Variants in SEC31A observed in about 807,000 individuals in gnomAD.
The protein encoded by SEC31A is protein transport protein Sec31A.
A neutral mutation model predicts 151.0 loss-of-function variants in SEC31A; 70 were observed. The observed-to-expected ratio is 0.46, with a 90% CI of 0.38 to 0.57. The LOEUF (loss-of-function observed/expected upper bound fraction) is 0.57, where lower values mean the gene tolerates loss of function less well. SEC31A is among the 20% of genes least tolerant of loss of function. SEC31A has a pLI of 0.00. For synonymous variants in SEC31A, 475 were observed against 505.9 expected, an observed-to-expected ratio of 0.94 and a Z score of 0.82; for missense variants, 1,330 against 1,471.2, an observed-to-expected ratio of 0.90 and a Z score of 1.57.
At position 82,857,005 on chromosome 4, in the gene SEC31A, A is replaced by C; in HGVS notation, c.1828T>G (p.Leu610Val). The C allele has an allele frequency of 6.2e-7, 1 of 1,613,468 alleles. No homozygotes were observed. The highest frequency in any genetic ancestry group is 8.5e-7 in the Non-Finnish European group (1 of 1,179,774). The change falls in exon 16 of 27, where the codon TTG (leucine) becomes GTG (valine). Residue 610 changes from leucine to valine, a missense_variant. Leu to Val is a conservative substitution (Grantham distance 32, BLOSUM62 1). Transcript: ENST00000395310. ...ILAIAGGQEL[L>V]ARTQKKYFAK... ...AAGTATTTTTTCTGGGTTCGAGCCA[A>C]GAGTTCTTGTCCACCTGCTATGGCC...
intron 6 of SEC31A, 100 bp from the exon 7 acceptor site, chr4:82,872,186 C>T: frequency 1.1e-6 from 1 of 889,812 alleles, no homozygotes. Context: ...TAGTGAAAAA[C>T]ATCAGCTGTG....
intron 2 of SEC31A, chr4:82,899,863 A>G (rs372852448): frequency 9.8e-5 from 15 of 152,642 alleles, no homozygotes; most frequent in African/African-American, 3.6e-4. Context: ...TCTGTATGCT[A>G]AGGATCTCCT....
rs138143090 is a variant in SEC31A at position 82,855,021 on chromosome 4, A to G, written c.1890T>C (p.Thr630=). 6.7e-3 allele frequency: 10,731 copies of G among 1,599,392 alleles called. 58 individuals are homozygous for G. The highest frequency in any genetic ancestry group is 8.9e-3 in the Admixed American group (493 of 55,298). ...KSQSKITRLI[T]AVVMKNWKEI... is the part of the protein sequence containing the mutation. ...CTTTCCAGTTCTTCATCACCACTGC[A>G]GTGATGAGCTTGAGAAACGAAAACA... Residue 630 remains threonine, a synonymous_variant, in exon 17 of 27, where the codon ACT becomes ACC. Transcript: ENST00000395310.
Position 82,848,958 on chromosome 4 carries a change from C to A in SEC31A, c.2348G>T (p.Arg783Leu). 1 of 1,613,128 alleles carries A rather than the reference C, an allele frequency of 6.2e-7. No individual in the cohort carries two copies. The highest frequency in any genetic ancestry group is 8.5e-7 in the Non-Finnish European group (1 of 1,179,636). Residue 783 changes from arginine to leucine, a missense_variant, in exon 20 of 27, where the codon CGT (arginine) becomes CTT (leucine). Arg to Leu is a moderately radical substitution (Grantham distance 102). Transcript: ENST00000395310. ...NTNQPNIMQL[R>L]DRLCRAQGEP... ...TCCTTGTGCTCTACAAAGTCTGTCA[C>A]GAAGCTGCATGATATTTGGCTAAAA...
chr4:82,858,062 G>A (rs1347899043), intron 14 of SEC31A: 2 of 226,318 alleles, frequency 8.8e-6, no homozygotes, highest in East Asian at 1.3e-4. Context: ...CAGATCACTC[G>A]AGGTCAGAAG....
rs375945567 is a variant in SEC31A at position 82,844,482 on chromosome 4, T to C, written c.2530A>G (p.Ile844Val). The C allele has an allele frequency of 6.8e-6, 11 of 1,613,760 alleles. No individual in the cohort carries two copies. In the African/African-American group the frequency reaches 1.2e-4, roughly 18 times the overall value. Residue 844 changes from isoleucine to valine, a missense_variant, in exon 21 of 27, where the codon ATA (isoleucine) becomes GTA (valine). By Grantham distance (29) the Ile-to-Val change is conservative. Transcript: ENST00000395310. ...HGENPPPPGF[I>V]MHGNVNPNAA... The stretch of plus-strand genomic sequence containing the variant: ...TTTGGATTAACATTTCCATGCATTA[T>C]GAAACCCGGAGGTGGAGGATTTTCT...
intron 25 of SEC31A, 198 bp from the exon 26 acceptor site, chr4:82,821,306 T>C: frequency 2.0e-6 from 1 of 505,408 alleles, no homozygotes; most frequent in Non-Finnish European, 3.5e-6. Context: ...CCCAGCACTT[T>C]GGGAGACCAA....
At chr4:82,834,055 T>G (rs1055844190) in intron 22 of SEC31A, among the ~76,000 whole-genome samples, 32 of 152,222 alleles carry the variant, frequency 2.1e-4, no homozygotes, top group Admixed American at 2.1e-3. Flanking sequence ...TAATTGACTG[T>G]AAGTGATTTT....
Position 82,864,342 on chromosome 4 carries a change from G to C in SEC31A, c.1434+20C>G. 6.6e-7 allele frequency: 1 copy of C among 1,511,732 alleles called. No individual in the cohort carries two copies. Among genetic ancestry groups the C allele is most frequent in the South Asian group, 1.1e-5 (1 of 88,836 alleles). The allele number at this position is 1,511,732 out of a possible 1,614,324, so 93.6% of individuals were successfully genotyped here. On this transcript the variant is annotated intron_variant, in intron 11 of 26. Transcript: ENST00000395310. ...AATTTGCAGATAATGAAATAATATA[G>C]CTTTAAACAGCAACTTTACCTTCAA...
chr4:82,882,263 C>T (rs889776090), intron 1 of SEC31A, among the ~76,000 whole-genome samples: 36 of 151,888 alleles, frequency 2.4e-4, no homozygotes, highest in Non-Finnish European at 3.1e-4. Context: ...ATTAGCCGGG[C>T]GTGGTGGCGG....
intron 11 of SEC31A, among the ~76,000 whole-genome samples, 179 bp from the exon 12 acceptor site, chr4:82,863,571 C>T (rs1290631578): frequency 6.6e-6 from 1 of 151,928 alleles, no homozygotes; most frequent in African/African-American, 2.4e-5. Flanking sequence ...TTTGGAGACC[C>T]AGCCTCAGGA....
chr4:82,891,913 A>T (rs1385561131), upstream of SEC31A, among the ~76,000 whole-genome samples: 1 of 152,224 alleles, frequency 6.6e-6, no homozygotes, highest in Non-Finnish European at 1.5e-5. Context: ...TCACTTGCTA[A>T]ATTACCAGAA....
intron 22 of SEC31A, among the ~76,000 whole-genome samples, chr4:82,832,207 G>A (rs1370372634): frequency 6.6e-6 from 1 of 152,164 alleles, no homozygotes; most frequent in Non-Finnish European, 1.5e-5. Context: ...TACCAAAACA[G>A]ATATACAGAC....
In SEC31A at chr4:82,828,991, T is replaced by C. The variant is rs748462776; in HGVS notation, c.3027+9A>G. The C allele has an allele frequency of 2.5e-6, 4 of 1,612,194 alleles. No homozygotes were observed. The South Asian group carries it at 4.4e-5, about 18-fold the overall frequency. On this transcript the variant is annotated intron_variant, in intron 23 of 26. Transcript: ENST00000395310. ...TGTAGGCCATTGGATGGACATCTTT[T>C]TCTAGTACCTTCTTCTTTTTGGGTA...
chr4:82,820,006 C>T (rs1722967174), intron 26 of SEC31A, among the ~76,000 whole-genome samples: 1 of 152,196 alleles, frequency 6.6e-6, no homozygotes, highest in South Asian at 2.1e-4. Flanking sequence ...AGGTGATCTG[C>T]CCGCCTCAGC....
intron 22 of SEC31A, among the ~76,000 whole-genome samples, chr4:82,841,097 T>C (rs1318140743): frequency 6.6e-6 from 1 of 152,174 alleles, no homozygotes; most frequent in Non-Finnish European, 1.5e-5. Flanking sequence ...AAATATTGTA[T>C]AGCTGTACAA....
rs201537384 is a variant in SEC31A, at chr4:82,874,697, C to T, written c.553G>A (p.Ala185Thr). The T allele has an allele frequency of 3.1e-6, 5 of 1,613,262 alleles. No individual in the cohort carries two copies. Among genetic ancestry groups the T allele is most frequent in the Non-Finnish European group, 4.2e-6 (5 of 1,179,870 alleles). Reference sequence around the variant, plus strand: ...GCCCGGCCACTGGGACTGGCTGATGCTAAAATATGCTGAACTTGTCTGTTC... The same window carrying T: ...GCCCGGCCACTGGGACTGGCTGATGTTAAAATATGCTGAACTTGTCTGTTC... ...AWNRQVQHILASASPSGRATV... is the reference protein window; with the variant it reads ...AWNRQVQHILTSASPSGRATV... Residue 185 changes from alanine (A) to threonine (T), a missense_variant, in exon 6 of 27, where the codon GCA (alanine) becomes ACA (threonine). Ala to Thr is a moderately conservative substitution (Grantham distance 58). Coordinates refer to ENST00000395310, the MANE Select transcript of SEC31A (RefSeq NM_001077207.4).
chr4:82,891,135 T>C lies in SEC31A; in HGVS notation c.-52A>G. ...GGATCCTGCGTTAGTGCAGCGCTCG[T>C]CGGACTCTCCCAGCATTCGCCGCCG... On this transcript the variant is annotated 5_prime_UTR_variant, in exon 1 of 27. Coordinates refer to ENST00000395310, the MANE Select transcript of SEC31A (RefSeq NM_001077207.4). 1.3e-6 allele frequency: 2 copies of C among 1,535,898 alleles called. No homozygotes were observed. Among genetic ancestry groups the C allele is most frequent in the Non-Finnish European group, 1.7e-6 (2 of 1,146,770 alleles).
chr4:82,850,422 C>T (rs1731240639), intron 19 of SEC31A, among the ~76,000 whole-genome samples: 1 of 151,924 alleles, frequency 6.6e-6, no homozygotes, highest in Admixed American at 6.6e-5. Flanking sequence ...GTATACAAAA[C>T]CAACTAGAGA....
Sources: gnomAD v4.1 joint callset for allele counts (sites outside exome capture counted in the v4.1 genomes callset) on GRCh38, gnomAD v4.1.1 for gene constraint, MANE v1.5 for transcripts, NCBI Gene and HGNC (gene_info 2026-07-23, HGNC 2026-07-21) for gene names.